TLE3: variants seen among roughly 807,000 people sequenced by gnomAD.
TLE3 encodes the protein transducin-like enhancer protein 3.
TLE3 carries 14 observed loss-of-function variants against 93.0 expected under a neutral mutation model. The ratio of observed to expected loss-of-function variants is 0.15; its 90% CI spans 0.10 to 0.24. The LOEUF is 0.24. TLE3 is among the 10% of genes least tolerant of loss of function. The probability of loss-of-function intolerance (pLI) is 1.00; values close to 1 mark genes in which losing one functional copy is unlikely to be tolerated. For missense variants in TLE3, 693 were observed against 1,046.6 expected (o/e 0.66, Z 4.66); for synonymous variants, 451 against 425.0 (o/e 1.06, Z -0.75).
In TLE3 at chr15:70,074,591, G is replaced by T; in HGVS notation, c.314C>A (p.Ala105Glu). Reference protein sequence around the residue: ...FLSQEHQQQVAQAVERAKQVT... With the variant: ...FLSQEHQQQVEQAVERAKQVT... ...CTGCTTGGCGCGCTCCACTGCCTGCGCCACCTGCTGCTGGTGCTGGAGGGA... is the reference window on the plus strand; with the variant it reads ...CTGCTTGGCGCGCTCCACTGCCTGCTCCACCTGCTGCTGGTGCTGGAGGGA... Residue 105 changes from alanine (A) to glutamate (E), a missense_variant, in exon 6 of 20, where the codon GCG (alanine) becomes GAG (glutamate). Physicochemically the swap from Ala to Glu is moderately radical, Grantham distance 107 (BLOSUM62 -1). Around this residue, in one of 4 missense-constraint regions of TLE3, gnomAD observed 104 missense variants for 173.8 expected, o/e 0.60. Transcript: ENST00000451782. 2.5e-6 allele frequency: 4 copies of T among 1,609,932 alleles called. No homozygotes were observed. The highest frequency in any genetic ancestry group is 3.4e-6 in the Non-Finnish European group (4 of 1,178,330).
At chr15:70,057,848 A>C (rs1189228999) in intron 12 of TLE3, 190 bp from the exon 13 acceptor site, 2 of 754,636 alleles carry the variant, frequency 2.7e-6, no homozygotes, top group African/African-American at 3.5e-5. Context: ...AGATGCACCC[A>C]CCTCTTTTTA....
intron 1 of TLE3, 152 bp from the exon 2 acceptor site, chr15:70,096,413 G>A: frequency 7.4e-7 from 1 of 1,351,080 alleles, no homozygotes; most frequent in Non-Finnish European, 9.8e-7. Context: ...CGACGGGGCG[G>A]AGGGGGGGCG....
chr15:70,077,464 T>C (rs2057502295), intron 4 of TLE3, among the ~76,000 whole-genome samples: 1 of 152,220 alleles, frequency 6.6e-6, no homozygotes, highest in African/African-American at 2.4e-5. Context: ...GAGAAATCCT[T>C]GTGCACTTAA....
At position 70,066,168 on chromosome 15, in the gene TLE3, C is replaced by A; in HGVS notation, c.423G>T (p.Pro141=). The change falls in exon 7 of 20, where the codon CCG becomes CCT. Residue 141 remains proline (P), a synonymous_variant. Coordinates refer to ENST00000451782, the MANE Select transcript of TLE3 (RefSeq NM_001105192.3). ...CTGACGGGTGGGGTGGCAACTGGACCGGGGGGCCGTGTGTGGCATGGGAGA... is the reference window on the plus strand; with the variant it reads ...CTGACGGGTGGGGTGGCAACTGGACAGGGGGGCCGTGTGTGGCATGGGAGA... The part of the protein sequence containing the change: ...QHLSHATHGP[P]VQLPPHPSGL... 2 of 1,544,028 alleles carry A rather than the reference C, an allele frequency of 1.3e-6. No homozygotes were observed. The highest frequency in any genetic ancestry group is 1.7e-6 in the Non-Finnish European group (2 of 1,146,572).
intron 7 of TLE3, among the ~76,000 whole-genome samples, chr15:70,065,714 G>A (rs2056771404): frequency 6.6e-6 from 1 of 152,230 alleles, no homozygotes; most frequent in Non-Finnish European, 1.5e-5. Context: ...TGAAGGGTTG[G>A]ACTGGGGCTG....
At position 70,058,457 on chromosome 15, in the gene TLE3, G is replaced by A; in HGVS notation, c.919-166C>T. The A allele has an allele frequency of 7.6e-7, 1 of 1,316,006 alleles. No homozygotes were observed. The highest frequency in any genetic ancestry group is 1.5e-5 in the South Asian group (1 of 68,864). The allele number at this position is 1,316,006 out of a possible 1,614,324, so 81.5% of individuals were successfully genotyped here. On this transcript the variant is annotated intron_variant, in intron 11 of 19. Transcript: ENST00000451782. This position sits in a 1 kb window ranked among gnomAD's most constrained non-coding sequence, Gnocchi z 4.1. ...CCCAACCTTGTTTGGCAGGGACTGG[G>A]GTGATCACTCCCATTTTACAGACGT... is the stretch of plus-strand genomic sequence containing the variant.
At chr15:70,092,331 A>G (rs2058347935) in intron 4 of TLE3, among the ~76,000 whole-genome samples, 1 of 152,212 alleles carries the variant, frequency 6.6e-6, no homozygotes, top group Non-Finnish European at 1.5e-5. Context: ...CCACAGCCAC[A>G]GGGTGATTTC....
Position 70,058,765 on chromosome 15 carries a change from C to A in TLE3, c.816G>T (p.Gly272=), listed in dbSNP as rs1242525940. The part of the protein sequence containing the change: ...VSPAHSPPEN[G]LDKARSLKKD... Reference sequence around the variant, plus strand: ...TTTTCAGGCTACGGGCCTTGTCCAGCCCATTTTCAGGAGGGGAGTGTGCCG... The same window carrying A: ...TTTTCAGGCTACGGGCCTTGTCCAGACCATTTTCAGGAGGGGAGTGTGCCG... The change falls in exon 11 of 20, where the codon GGG becomes GGT. Residue 272 remains glycine, a synonymous_variant. Transcript: ENST00000451782. This position sits in a 1 kb window ranked among gnomAD's most constrained non-coding sequence, Gnocchi z 4.1. 3.7e-6 allele frequency: 6 copies of A among 1,609,430 alleles called. No homozygotes were observed. Among genetic ancestry groups the A allele is most frequent in the Admixed American group, 1.7e-5 (1 of 59,208 alleles).
intron 4 of TLE3, among the ~76,000 whole-genome samples, chr15:70,091,374 C>T (rs2058300110): frequency 6.6e-6 from 1 of 152,178 alleles, no homozygotes; most frequent in African/African-American, 2.4e-5. Flanking sequence ...GCTCTGGGGC[C>T]CCTGGTTTTA....
At chr15:70,092,423 G>T (rs559956577) in intron 4 of TLE3, among the ~76,000 whole-genome samples, 2 of 152,328 alleles carry the variant, frequency 1.3e-5, no homozygotes, top group Non-Finnish European at 2.9e-5. Flanking sequence ...CAGGCTAGAG[G>T]GCAAAGGTGA....
chr15:70,092,400 C>T (rs905062558), intron 4 of TLE3, among the ~76,000 whole-genome samples: 3 of 152,212 alleles, frequency 2.0e-5, no homozygotes, highest in African/African-American at 7.2e-5. Context: ...CACACATGTT[C>T]AGGCTGGGAA....
chr15:70,076,562 C>T (rs1367303284), intron 4 of TLE3, among the ~76,000 whole-genome samples: 2 of 152,192 alleles, frequency 1.3e-5, no homozygotes, highest in African/African-American at 4.8e-5. Context: ...CACTGGTGCC[C>T]AGTGCCAATA....
chr15:70,095,084 G>A (rs1477416422), intron 3 of TLE3, among the ~76,000 whole-genome samples: 2 of 152,188 alleles, frequency 1.3e-5, no homozygotes, highest in African/African-American at 4.8e-5. Context: ...TGGAGGCAGA[G>A]AGAGCTTTAC....
At chr15:70,090,651 A>T (rs2058265517) in intron 4 of TLE3, among the ~76,000 whole-genome samples, 1 of 152,152 alleles carries the variant, frequency 6.6e-6, no homozygotes, top group South Asian at 2.1e-4. Context: ...TCCATTTCCT[A>T]CCTCAGCCCT....
At chr15:70,080,037 A>C (rs1419616427) in intron 4 of TLE3, among the ~76,000 whole-genome samples, 1 of 148,286 alleles carries the variant, frequency 6.7e-6, no homozygotes, top group Non-Finnish European at 1.5e-5. Context: ...AACTCAAACA[A>C]GCTCTAAACA....
chr15:70,097,068 G>A lies in TLE3; in HGVS notation c.-270C>T. ...GGCTTTGTGCGCCTAGGGCTCGGCG[G>A]GCAGCGGCCGGCCGCCTTCCCTGGG... is the stretch of plus-strand genomic sequence containing the variant. On this transcript the variant is annotated 5_prime_UTR_variant, in exon 1 of 20. Coordinates refer to ENST00000451782, the MANE Select transcript of TLE3 (RefSeq NM_001105192.3). 2 of 493,742 alleles carry A rather than the reference G, an allele frequency of 4.1e-6. No individual in the cohort carries two copies. The highest frequency in any genetic ancestry group is 7.0e-6 in the Non-Finnish European group (2 of 287,514). 30.6% of individuals were successfully genotyped at this position (493,742 alleles called of 1,614,324 possible).
chr15:70,092,352 G>C (rs982669870), intron 4 of TLE3, among the ~76,000 whole-genome samples: 1 of 152,180 alleles, frequency 6.6e-6, no homozygotes, highest in African/African-American at 2.4e-5. Flanking sequence ...ACCCAACTCA[G>C]AGACTGCCAT....
chr15:70,094,691 A>G (rs2058465910), intron 3 of TLE3, 115 bp from the exon 4 acceptor site: 22 of 780,522 alleles, frequency 2.8e-5, no homozygotes, highest in Middle Eastern at 3.7e-4. Flanking sequence ...TACATTTGCT[A>G]AAGAAGTTTA....
chr15:70,050,377 G>A, intron 19 of TLE3, 173 bp from the exon 20 acceptor site: 1 of 425,538 alleles, frequency 2.3e-6, no homozygotes, highest in Non-Finnish European at 4.1e-6. Flanking sequence ...AGAGGAGGTG[G>A]GGGAGGCTTT....
Sources: allele counts gnomAD v4.1 joint callset (sites outside exome capture counted in the v4.1 genomes callset), GRCh38; gene constraint gnomAD v4.1.1; regional missense constraint gnomAD v4.1.1; non-coding constraint Gnocchi (gnomAD v3.1); transcripts MANE v1.5; gene names NCBI Gene and HGNC (gene_info 2026-07-23, HGNC 2026-07-21).